Variants in SMCP observed in about 807,000 individuals in gnomAD.
SMCP encodes the protein sperm mitochondria associated cysteine rich protein.
For missense variants in SMCP, 137 were observed against 137.1 expected, an observed-to-expected ratio of 1.00 and a Z score of 0.01; for synonymous variants, 41 against 46.9, an observed-to-expected ratio of 0.87 and a Z score of 0.51.
At chr1:152,880,447 C>T (rs1648998312) in intron 1 of SMCP, among the ~76,000 whole-genome samples, 1 of 152,150 alleles carries the variant, frequency 6.6e-6, no homozygotes, top group East Asian at 1.9e-4. Context: ...ACTCTCTCAC[C>T]TCTTCCCTAT....
intron 1 of SMCP, among the ~76,000 whole-genome samples, chr1:152,881,319 C>T (rs1194175695): frequency 5.3e-5 from 8 of 152,216 alleles, no homozygotes; most frequent in Admixed American, 5.2e-4. Context: ...ACTGGAGAAT[C>T]CTGCACACCT....
chr1:152,884,899 T>C lies in SMCP; in HGVS notation c.*126T>C, dbSNP rs568729761. 90 of 814,222 alleles carry C rather than the reference T, an allele frequency of 1.1e-4. 1 individual carries two copies. The African/African-American group carries it at 1.3e-3, about 12-fold the overall frequency. The allele number at this position is 814,222 out of a possible 1,614,324, so 50.4% of individuals were successfully genotyped here. On this transcript the variant is annotated 3_prime_UTR_variant, in exon 2 of 2. Transcript: ENST00000368765. ...AGCAGTTTTCACAGTGACTACCATT[T>C]CCACCCAATGAGAGGCTCCTATTTC...
At chr1:152,879,200 A>ATATT (rs1211924585) in intron 1 of SMCP, among the ~76,000 whole-genome samples, 1 of 152,132 alleles carries the variant, frequency 6.6e-6, no homozygotes, top group East Asian at 1.9e-4. Flanking sequence ...CTTGGAGAGA[A>ATATT]TATTTATTTA....
intron 1 of SMCP, among the ~76,000 whole-genome samples, chr1:152,878,861 G>C (rs542334841): frequency 6.6e-6 from 1 of 152,292 alleles, no homozygotes; most frequent in South Asian, 2.1e-4. Flanking sequence ...AGCATGTGGG[G>C]ACAGAGACCC....
At chr1:152,883,262 G>T (rs1338477524) in intron 1 of SMCP, among the ~76,000 whole-genome samples, 2 of 152,114 alleles carry the variant, frequency 1.3e-5, no homozygotes, top group Non-Finnish European at 2.9e-5. Context: ...CCACAGAGGG[G>T]GTACAGGCTC....
chr1:152,883,229 G>A (rs1374218501), intron 1 of SMCP, among the ~76,000 whole-genome samples: 6 of 152,150 alleles, frequency 3.9e-5, no homozygotes, highest in African/African-American at 9.7e-5. Flanking sequence ...CCTGACATGG[G>A]TTTGTGGCTT....
At chr1:152,881,826 G>T (rs1167212017) in intron 1 of SMCP, among the ~76,000 whole-genome samples, 1 of 152,188 alleles carries the variant, frequency 6.6e-6, no homozygotes, top group Non-Finnish European at 1.5e-5. Context: ...CAAAGGGGAA[G>T]GACCTTCTTC....
chr1:152,881,113 CACA>C (rs1649024819), intron 1 of SMCP, among the ~76,000 whole-genome samples: 1 of 151,816 alleles, frequency 6.6e-6, no homozygotes, highest in South Asian at 2.1e-4. Context: ...CGCTGTCGGC[CACA>C]CCTGGCTCAA....
At chr1:152,879,083 G>T (rs1648956673) in intron 1 of SMCP, among the ~76,000 whole-genome samples, 1 of 152,214 alleles carries the variant, frequency 6.6e-6, no homozygotes, top group Non-Finnish European at 1.5e-5. Flanking sequence ...AGAGCAATAA[G>T]AGCTAGGAAG....
At chr1:152,879,564 G>A (rs1336943278) in intron 1 of SMCP, among the ~76,000 whole-genome samples, 1 of 152,174 alleles carries the variant, frequency 6.6e-6, no homozygotes, top group African/African-American at 2.4e-5. Flanking sequence ...AGGCAGAGGG[G>A]TCCAGGAGGC....
intron 1 of SMCP, among the ~76,000 whole-genome samples, chr1:152,879,008 G>A (rs897802136): frequency 1.3e-5 from 2 of 152,210 alleles, no homozygotes; most frequent in African/African-American, 4.8e-5. Context: ...CCTGTGGGCA[G>A]AGGGAGAAGG....
chr1:152,880,057 G>A (rs951886113), intron 1 of SMCP, among the ~76,000 whole-genome samples: 5 of 152,046 alleles, frequency 3.3e-5, no homozygotes, highest in African/African-American at 1.2e-4. Context: ...GTAGAGAAAG[G>A]TAAACCAGAG....
At chr1:152,883,479 C>A (rs147709004) in intron 1 of SMCP, among the ~76,000 whole-genome samples, 2 of 152,312 alleles carry the variant, frequency 1.3e-5, no homozygotes, top group East Asian at 3.9e-4. Context: ...GGCCCAGGGA[C>A]GTTCCCAGAA....
At chr1:152,884,269 G>T in intron 1 of SMCP, 134 bp from the exon 2 acceptor site, 1 of 769,036 alleles carries the variant, frequency 1.3e-6, no homozygotes. Flanking sequence ...CTCTCTGAGG[G>T]ATCCAGCTCT....
intron 1 of SMCP, among the ~76,000 whole-genome samples, chr1:152,882,967 C>G (rs568217721): frequency 1.3e-5 from 2 of 152,350 alleles, no homozygotes; most frequent in East Asian, 1.9e-4. Flanking sequence ...TCGCTTGAAC[C>G]TGGGAGGCAG....
In SMCP at chr1:152,884,395, T is replaced by G. The variant is rs774382237; in HGVS notation, c.-20-8T>G. The stretch of plus-strand genomic sequence containing the variant: ...CCTTCTGATGAGAATATTATTTTCT[T>G]TTTCTAGTACCTCCAAGTGTTCAGA... On this transcript the variant is annotated splice_region_variant and splice_polypyrimidine_tract_variant and intron_variant, in intron 1 of 1. Transcript: ENST00000368765. The G allele has an allele frequency of 6.2e-7, 1 of 1,608,350 alleles. No homozygotes were observed.
rs538577951 is a variant in SMCP at position 152,882,050 on chromosome 1, A to C, written c.-20-2353A>C. Among the ~76,000 whole-genome samples the C allele has an allele frequency of 3.3e-5, 5 of 152,244 alleles. No individual in the cohort carries two copies. In the East Asian group the frequency reaches 9.7e-4, roughly 29 times the overall value. ...GAGTGCAATGGCACGATCTCAGCTC[A>C]CTGTAACCTCCACCTCCTGGGTTCA... On this transcript the variant is annotated intron_variant, in intron 1 of 1. Transcript: ENST00000368765.
intron 1 of SMCP, among the ~76,000 whole-genome samples, chr1:152,883,112 T>A (rs949913567): frequency 6.6e-6 from 1 of 152,180 alleles, no homozygotes; most frequent in African/African-American, 2.4e-5. Flanking sequence ...ATCCCAAGGA[T>A]GCCAGAGGCT....
At chr1:152,881,967 T>C (rs1459435263) in intron 1 of SMCP, among the ~76,000 whole-genome samples, 3 of 152,138 alleles carry the variant, frequency 2.0e-5, no homozygotes, top group Non-Finnish European at 2.9e-5. Flanking sequence ...TTTTATTTTA[T>C]TTTATTTTAC....
Sources: allele counts gnomAD v4.1 joint callset (sites outside exome capture counted in the v4.1 genomes callset), GRCh38; gene constraint gnomAD v4.1.1; transcripts MANE v1.5; gene names NCBI Gene and HGNC (gene_info 2026-07-23, HGNC 2026-07-21).